The following RABGAP1L variants were observed in gnomAD, a reference collection of about 807,000 sequenced individuals.
RABGAP1L encodes the protein rab GTPase-activating protein 1-like.
In RABGAP1L, 63 loss-of-function variants were observed where a neutral mutation model predicts 137.7. The ratio of observed to expected loss-of-function variants is 0.46; its 90% CI spans 0.37 to 0.56. The LOEUF (loss-of-function observed/expected upper bound fraction) is 0.56. Among genes scored for constraint, RABGAP1L ranks in the 20% least tolerant of loss-of-function variants. RABGAP1L has a pLI of 0.00. For synonymous variants in RABGAP1L, 431 were observed against 433.7 expected, an observed-to-expected ratio of 0.99 and a Z score of 0.08; for missense variants, 1,095 against 1,244.0, an observed-to-expected ratio of 0.88 and a Z score of 1.80.
rs1401025980 is a variant in RABGAP1L at position 174,382,925 on chromosome 1, G to C, written c.1560-11070G>C. ...TTTTTCCCCATCTTTGTGGTTTTAT[G>C]TACTTTTGGTCTTTGATGATGGTGA... On this transcript the variant is annotated intron_variant, in intron 12 of 25. Transcript: ENST00000681986. Among the ~76,000 whole-genome samples the C allele has an allele frequency of 5.9e-4, 88 of 150,384 alleles. 1 individual carries two copies. The South Asian group carries it at 0.014, about 24-fold the overall frequency.
chr1:174,349,566 C>T (rs1265759033), intron 11 of RABGAP1L, among the ~76,000 whole-genome samples: 1 of 132,032 alleles, frequency 7.6e-6, no homozygotes, highest in East Asian at 2.7e-4. Flanking sequence ...CGGACGGGGC[C>T]ACTGGCCGGG....
intron 13 of RABGAP1L, among the ~76,000 whole-genome samples, chr1:174,511,615 T>C (rs1662347883): frequency 2.0e-5 from 3 of 151,852 alleles, no homozygotes; most frequent in Non-Finnish European, 4.4e-5. Flanking sequence ...GGCTTTTCTT[T>C]TCTTTCTTTT....
At chr1:174,221,213 T>C (rs1262384270) in intron 3 of RABGAP1L, 49 bp downstream of exon 3, 1 of 1,338,202 alleles carries the variant, frequency 7.5e-7, no homozygotes, top group African/African-American at 1.5e-5. Context: ...GATAAAGTAA[T>C]AGTGAAAATT....
chr1:174,833,394 GTGTGTGTA>G (rs1553259918), intron 19 of RABGAP1L, among the ~76,000 whole-genome samples: 1 of 56,912 alleles, frequency 1.8e-5, no homozygotes, highest in East Asian at 3.8e-4. Flanking sequence ...GTGTGTGTGT[GTGTGTGTA>G]TGTGTGTATG....
chr1:174,890,389 T>C (rs1037082473), intron 19 of RABGAP1L, among the ~76,000 whole-genome samples: 3 of 152,182 alleles, frequency 2.0e-5, no homozygotes, highest in African/African-American at 7.2e-5. Context: ...TTATTTCTTC[T>C]CTCTCTCCCT....
Position 174,278,645 on chromosome 1 carries a change from A to G in RABGAP1L, c.1189A>G (p.Met397Val), listed in dbSNP as rs766484367. 5.0e-6 allele frequency: 8 copies of G among 1,613,326 alleles called. No homozygotes were observed. The highest frequency in any genetic ancestry group is 2.2e-5 in the South Asian group (2 of 91,038). Residue 397 changes from methionine to valine, a missense_variant, in exon 10 of 26, where the codon ATG becomes GTG. Coordinates refer to ENST00000681986, the MANE Select transcript of RABGAP1L (RefSeq NM_001366446.1). ...KQVYMTVAVD[M>V]VVTEVVEPVR... ...AGTATACATGACTGTGGCAGTGGATATGGTAGTCACAGAGGTGGTGGAGCC... is the reference window on the plus strand; with the variant it reads ...AGTATACATGACTGTGGCAGTGGATGTGGTAGTCACAGAGGTGGTGGAGCC...
chr1:174,427,500 C>G (rs765422557), intron 13 of RABGAP1L, among the ~76,000 whole-genome samples: 12 of 152,024 alleles, frequency 7.9e-5, no homozygotes, highest in Non-Finnish European at 1.5e-4. Context: ...GAGTTGTTCC[C>G]TATGCTACCT....
intron 12 of RABGAP1L, among the ~76,000 whole-genome samples, chr1:174,382,874 T>C (rs753069073): frequency 2.6e-5 from 4 of 152,066 alleles, no homozygotes; most frequent in East Asian, 1.9e-4. Context: ...CTCTGCGTTT[T>C]AGAGTTTCCA....
intron 13 of RABGAP1L, among the ~76,000 whole-genome samples, chr1:174,631,779 A>C (rs957068517): frequency 4.0e-5 from 6 of 149,792 alleles, no homozygotes; most frequent in Non-Finnish European, 7.4e-5. Flanking sequence ...TTTTGAGCCT[A>C]TGTATGTCTC....
intron 14 of RABGAP1L, among the ~76,000 whole-genome samples, chr1:174,671,243 G>GT (rs1677154132): frequency 6.6e-6 from 1 of 152,102 alleles, no homozygotes; most frequent in African/African-American, 2.4e-5. Context: ...AGTCTTTAGG[G>GT]TTTTCCATAT....
chr1:174,428,698 A>G (rs1352388564), intron 13 of RABGAP1L, among the ~76,000 whole-genome samples: 1 of 152,168 alleles, frequency 6.6e-6, no homozygotes, highest in Non-Finnish European at 1.5e-5. Flanking sequence ...TCGGGAAAAA[A>G]AAAGTCCTCA....
intron 14 of RABGAP1L, among the ~76,000 whole-genome samples, chr1:174,645,568 C>T (rs906191984): frequency 1.3e-5 from 2 of 152,114 alleles, no homozygotes; most frequent in African/African-American, 2.4e-5. Context: ...TTTATGGCTG[C>T]ATAGTATTCC....
intron 12 of RABGAP1L, among the ~76,000 whole-genome samples, chr1:174,387,360 A>C (rs1212201088): frequency 6.6e-6 from 1 of 152,244 alleles, no homozygotes; most frequent in Non-Finnish European, 1.5e-5. Flanking sequence ...AGAGGCATGC[A>C]GACCTTTAAA....
chr1:174,376,594 T>C (rs1685565900), intron 12 of RABGAP1L, among the ~76,000 whole-genome samples: 1 of 152,128 alleles, frequency 6.6e-6, no homozygotes, highest in South Asian at 2.1e-4. Flanking sequence ...AGAAAAACCA[T>C]ATAATCATTT....
chr1:174,503,443 T>C lies in RABGAP1L; in HGVS notation c.1710+109298T>C, dbSNP rs1293078977. On this transcript the variant is annotated intron_variant, in intron 13 of 25. Coordinates refer to ENST00000681986, the MANE Select transcript of RABGAP1L (RefSeq NM_001366446.1). ...TTGGGAGGTCAAGGTGGGTGGACCATGAGGTGAGGAGATCAAGACCATCTT... is the reference window on the plus strand; with the variant it reads ...TTGGGAGGTCAAGGTGGGTGGACCACGAGGTGAGGAGATCAAGACCATCTT... Among the ~76,000 whole-genome samples, 2 of 151,974 alleles carry C rather than the reference T, an allele frequency of 1.3e-5. 1 individual carries two copies. The highest frequency in any genetic ancestry group is 1.3e-4 in the Admixed American group (2 of 15,248).
intron 11 of RABGAP1L, among the ~76,000 whole-genome samples, chr1:174,355,473 G>A (rs947814444): frequency 1.6e-5 from 2 of 128,970 alleles, no homozygotes; most frequent in African/African-American, 3.4e-5. Flanking sequence ...TGGGGTGGGG[G>A]GAGTGGGGAG....
intron 19 of RABGAP1L, among the ~76,000 whole-genome samples, chr1:174,872,176 T>C (rs769302223): frequency 9.9e-5 from 15 of 152,038 alleles, no homozygotes; most frequent in Non-Finnish European, 1.8e-4. Flanking sequence ...AACAATCTGT[T>C]TTCTGAGGTT....
At chr1:174,985,396 TAAAAAA>T (rs1329925076) in intron 24 of RABGAP1L, among the ~76,000 whole-genome samples, 3 of 152,012 alleles carry the variant, frequency 2.0e-5, no homozygotes, top group East Asian at 3.9e-4. Flanking sequence ...GGTACAAAAT[TAAAAAA>T]GAAAAAGACA....
At chr1:174,618,357 C>G (rs1457031356) in intron 13 of RABGAP1L, among the ~76,000 whole-genome samples, 1 of 152,222 alleles carries the variant, frequency 6.6e-6, no homozygotes, top group Non-Finnish European at 1.5e-5. Flanking sequence ...AAGTGGGTCT[C>G]TGACCCACGC....
Sources: gnomAD v4.1 joint callset for allele counts (sites outside exome capture counted in the v4.1 genomes callset) on GRCh38, gnomAD v4.1.1 for gene constraint, MANE v1.5 for transcripts, NCBI Gene and HGNC (gene_info 2026-07-23, HGNC 2026-07-21) for gene names.